The following SPEF2 variants were observed in gnomAD, a reference collection of about 807,000 sequenced individuals.
SPEF2 encodes sperm flagella and cilia-associated protein 2.
In SPEF2, 187 loss-of-function variants were observed where a neutral mutation model predicts 224.6. The ratio of observed to expected loss-of-function variants is 0.83; its 90% CI spans 0.74 to 0.94. SPEF2 has a LOEUF of 0.94. SPEF2 is among the 40% of genes least tolerant of loss of function. The probability of loss-of-function intolerance (pLI) is 0.00; values close to 1 mark genes in which losing one functional copy is unlikely to be tolerated. For missense variants in SPEF2, 2,170 were observed against 2,135.6 expected (o/e 1.02, Z -0.32); for synonymous variants, 715 against 707.3 (o/e 1.01, Z -0.17).
intron 10 of SPEF2, among the ~76,000 whole-genome samples, chr5:35,675,151 T>C (rs1751763709): frequency 6.6e-6 from 1 of 152,222 alleles, no homozygotes; most frequent in Non-Finnish European, 1.5e-5. Context: ...CACTTGCTTA[T>C]ATGATGAAGG....
In SPEF2 at chr5:35,814,592, C is replaced by A. The variant is rs775890647; in HGVS notation, c.*39C>A. The A allele has an allele frequency of 7.3e-7, 1 of 1,376,774 alleles. No individual in the cohort carries two copies. Among genetic ancestry groups the A allele is most frequent in the South Asian group, 1.3e-5 (1 of 77,412 alleles). 85.3% of individuals were successfully genotyped at this position (1,376,774 alleles called of 1,614,324 possible). ...TGATTTTTTTAATTCTGCAATAAAT[C>A]TTCCAAAAATTAAATGTGACCATGG... On this transcript the variant is annotated 3_prime_UTR_variant, in exon 37 of 37. Transcript: ENST00000356031.
intron 26 of SPEF2, 106 bp downstream of exon 26, chr5:35,763,808 T>TTG: frequency 9.5e-7 from 1 of 1,053,276 alleles, no homozygotes; most frequent in Non-Finnish European, 1.3e-6. Flanking sequence ...TCAAGCACTG[T>TTG]AGAAAATTGT....
rs146984963 is a variant in SPEF2 at position 35,725,971 on chromosome 5, A to G, written c.2915-1704A>G. On this transcript the variant is annotated intron_variant, in intron 20 of 36. Transcript: ENST00000356031. ...ACTGAGGACTCAATGATCCAACTCT[A>G]CAAGTGAAAGCAAACATCTTATTAG... Among the ~76,000 whole-genome samples the G allele has an allele frequency of 4.8e-3, 731 of 152,304 alleles. 6 individuals are homozygous for G. Among genetic ancestry groups the G allele is most frequent in the African/African-American group, 0.017 (691 of 41,562 alleles).
At chr5:35,700,239 C>T in intron 15 of SPEF2, 1 of 476,452 alleles carries the variant, frequency 2.1e-6, no homozygotes, top group Non-Finnish European at 3.7e-6. Context: ...GGGACTAATA[C>T]AGGTGTGGCC....
intron 20 of SPEF2, 74 bp from the exon 21 acceptor site, chr5:35,727,601 T>C (rs1744883747): frequency 2.3e-6 from 3 of 1,278,292 alleles, no homozygotes; most frequent in Non-Finnish European, 3.3e-6. Flanking sequence ...ATGGTAATTA[T>C]AGATGTATTC....
chr5:35,626,241 C>T (rs762051681), intron 1 of SPEF2, among the ~76,000 whole-genome samples: 2 of 152,072 alleles, frequency 1.3e-5, no homozygotes, highest in African/African-American at 2.4e-5. Context: ...GACATAGCTT[C>T]GGAAGGACAG....
At chr5:35,798,732 T>G (rs1265111964) in intron 33 of SPEF2, among the ~76,000 whole-genome samples, 2 of 152,138 alleles carry the variant, frequency 1.3e-5, no homozygotes. Context: ...CAGCTGGGAT[T>G]ACAGGCGCCC....
At chr5:35,670,419 G>A (rs1348436875) in intron 10 of SPEF2, 192 bp downstream of exon 10, 3 of 1,256,322 alleles carry the variant, frequency 2.4e-6, no homozygotes, top group Non-Finnish European at 3.0e-6. Flanking sequence ...ATTATCTATT[G>A]TTCCTAGTAA....
chr5:35,692,518 T>G, intron 11 of SPEF2, 52 bp from the exon 12 acceptor site: 8 of 1,439,524 alleles, frequency 5.6e-6, no homozygotes, highest in Non-Finnish European at 7.6e-6. Context: ...AAGACAACAA[T>G]TTCCATTTCC....
rs150459465 is a variant in SPEF2, at chr5:35,653,741, T to G, written c.792-799T>G. ...GCAGGCAGATTATGAGGTCAGGAGT[T>G]CGAGACCAGCCTGACCAGCATGGTG... On this transcript the variant is annotated intron_variant, in intron 6 of 36. Transcript: ENST00000356031. Among the ~76,000 whole-genome samples, 1,380 of 151,936 alleles carry G rather than the reference T, an allele frequency of 9.1e-3. 18 individuals are homozygous for G. Among genetic ancestry groups the G allele is most frequent in the African/African-American group, 0.032 (1,342 of 41,436 alleles).
chr5:35,719,625 T>C (rs1235537075), intron 20 of SPEF2, among the ~76,000 whole-genome samples: 1 of 149,740 alleles, frequency 6.7e-6, no homozygotes, highest in African/African-American at 2.5e-5. Flanking sequence ...GTGGCATTAG[T>C]GACTTTTTTT....
chr5:35,773,082 A>T (rs1753095957), intron 27 of SPEF2, among the ~76,000 whole-genome samples: 1 of 152,166 alleles, frequency 6.6e-6, no homozygotes, highest in African/African-American at 2.4e-5. Context: ...GTTCTAATTA[A>T]AATATAATTA....
Position 35,700,580 on chromosome 5 carries a change from A to C in SPEF2, c.2226A>C (p.Thr742=), listed in dbSNP as rs941674934. The change falls in exon 16 of 37, where the codon ACA becomes ACC. Residue 742 remains threonine (T), a synonymous_variant. Coordinates refer to ENST00000356031, the MANE Select transcript of SPEF2 (RefSeq NM_024867.4). ...NQAQLLEEAL[T]GCNRNLTEVE... ...CACAGCTTCTGGAAGAAGCTCTTAC[A>C]GGCTGCAATAGAAACCTCACAGAAG... 1 of 1,613,928 alleles carries C rather than the reference A, an allele frequency of 6.2e-7. No homozygotes were observed. Among genetic ancestry groups the C allele is most frequent in the Non-Finnish European group, 8.5e-7 (1 of 1,179,960 alleles).
At position 35,697,688 on chromosome 5, in the gene SPEF2, A is replaced by G. The variant is rs1261232249; in HGVS notation, c.2038-2A>G. On this transcript the variant is annotated splice_acceptor_variant, in intron 14 of 36. Coordinates refer to ENST00000356031, the MANE Select transcript of SPEF2 (RefSeq NM_024867.4). LOFTEE classifies it high-confidence loss of function. ...TCTGTCATTTCTTGTTTATTTTCCC[A>G]GCTCACTACACGTGCTCAGCTTGGT... The G allele has an allele frequency of 6.2e-7, 1 of 1,607,520 alleles. No homozygotes were observed. Among genetic ancestry groups the G allele is most frequent in the Admixed American group, 1.7e-5 (1 of 58,836 alleles).
intron 30 of SPEF2, chr5:35,790,966 C>G (rs1471626823): frequency 6.6e-6 from 1 of 152,158 alleles, no homozygotes; most frequent in Non-Finnish European, 1.5e-5. Flanking sequence ...ACTGTAAGTA[C>G]TGTCTTATAA....
chr5:35,651,691 C>G (rs763255719), intron 6 of SPEF2, among the ~76,000 whole-genome samples: 23 of 152,156 alleles, frequency 1.5e-4, no homozygotes, highest in Non-Finnish European at 2.9e-4. Context: ...AAAAACTTCA[C>G]ACTAACTTGA....
chr5:35,803,831 C>A (rs1200980481), intron 34 of SPEF2, among the ~76,000 whole-genome samples: 1 of 152,234 alleles, frequency 6.6e-6, no homozygotes, highest in Non-Finnish European at 1.5e-5. Context: ...TTTCATTCTT[C>A]TTTACTCTAT....
intron 20 of SPEF2, among the ~76,000 whole-genome samples, chr5:35,723,789 T>G (rs528159439): frequency 6.6e-6 from 1 of 152,306 alleles, no homozygotes; most frequent in East Asian, 1.9e-4. Flanking sequence ...TAAAATAGAT[T>G]TTTATCACCT....
chr5:35,811,307 G>T (rs1013625781), intron 36 of SPEF2, among the ~76,000 whole-genome samples: 5 of 152,098 alleles, frequency 3.3e-5, no homozygotes, highest in African/African-American at 4.8e-5. Context: ...CTAGAGTGTG[G>T]TTTTTCAGGT....
Sources: allele counts gnomAD v4.1 joint callset (sites outside exome capture counted in the v4.1 genomes callset), GRCh38; gene constraint gnomAD v4.1.1; transcripts MANE v1.5; gene names NCBI Gene and HGNC (gene_info 2026-07-23, HGNC 2026-07-21).